The following CNTN5 variants were observed in gnomAD, a reference collection of about 807,000 sequenced individuals.
CNTN5 encodes contactin-5.
A neutral mutation model predicts 129.1 loss-of-function variants in CNTN5; 77 were observed. The ratio of observed to expected loss-of-function variants is 0.60; its 90% confidence interval spans 0.50 to 0.72. The LOEUF (loss-of-function observed/expected upper bound fraction) is 0.72. Among genes scored for constraint, CNTN5 ranks in the 30% least tolerant of loss-of-function variants. The probability of loss-of-function intolerance (pLI) is 0.00; values close to 1 mark genes in which losing one functional copy is unlikely to be tolerated. For missense variants in CNTN5, 1,478 were observed against 1,328.8 expected, an observed-to-expected ratio of 1.11 and a Z score of -1.75; for synonymous variants, 509 against 465.6, an observed-to-expected ratio of 1.09 and a Z score of -1.20.
At chr11:100,053,301 A>T (rs1943053857) in intron 9 of CNTN5, among the ~76,000 whole-genome samples, 1 of 151,768 alleles carries the variant, frequency 6.6e-6, no homozygotes. Context: ...GTAAGAAAAT[A>T]AAAAGGCAAG....
chr11:99,339,424 T>C (rs1426753412), intron 2 of CNTN5, among the ~76,000 whole-genome samples: 1 of 151,986 alleles, frequency 6.6e-6, no homozygotes, highest in African/African-American at 2.4e-5. Context: ...CTCTGAGGCA[T>C]AAAGAATGTA....
chr11:99,689,354 C>T (rs634184), intron 3 of CNTN5, among the ~76,000 whole-genome samples: 147,029 of 151,638 alleles, frequency 0.97, 71,397 homozygotes, highest in East Asian at 1. Flanking sequence ...AGTGAAACCC[C>T]GTCTCTACTA....
At chr11:100,248,824 C>G (rs1278114666) in intron 16 of CNTN5, among the ~76,000 whole-genome samples, 1 of 152,148 alleles carries the variant, frequency 6.6e-6, no homozygotes, top group Non-Finnish European at 1.5e-5. Flanking sequence ...GACTCTACAG[C>G]CTGGCACCAC....
intron 9 of CNTN5, among the ~76,000 whole-genome samples, chr11:100,054,148 G>T (rs1943099256): frequency 6.6e-6 from 1 of 151,656 alleles, no homozygotes. Context: ...TCATGGTAAA[G>T]GCAAGGGTCC....
At chr11:100,332,883 C>A (rs1251814235) in intron 21 of CNTN5, among the ~76,000 whole-genome samples, 1 of 152,058 alleles carries the variant, frequency 6.6e-6, no homozygotes, top group African/African-American at 2.4e-5. Flanking sequence ...AGAACTGGAA[C>A]AAGGCAAGGA....
intron 15 of CNTN5, among the ~76,000 whole-genome samples, chr11:100,202,017 T>G (rs1298237922): frequency 6.6e-6 from 1 of 152,038 alleles, no homozygotes; most frequent in Non-Finnish European, 1.5e-5. Context: ...AATAGATACC[T>G]GGCAATATGC....
At chr11:100,250,512 G>C (rs1949943258) in intron 16 of CNTN5, among the ~76,000 whole-genome samples, 1 of 151,968 alleles carries the variant, frequency 6.6e-6, no homozygotes, top group African/African-American at 2.4e-5. Context: ...TTTAATGGCT[G>C]CCTAATATTT....
chr11:100,046,832 G>C (rs1942706314), intron 9 of CNTN5, among the ~76,000 whole-genome samples: 2 of 152,220 alleles, frequency 1.3e-5, no homozygotes, highest in South Asian at 4.1e-4. Flanking sequence ...TTGGATAACA[G>C]GCATTGCAGG....
intron 1 of CNTN5, among the ~76,000 whole-genome samples, chr11:99,172,438 T>C (rs1861190418): frequency 6.6e-6 from 1 of 152,204 alleles, no homozygotes; most frequent in Admixed American, 6.5e-5. Flanking sequence ...TTGCACCTTT[T>C]GATGAGAAAA....
intron 9 of CNTN5, among the ~76,000 whole-genome samples, chr11:100,040,617 C>A (rs979965144): frequency 2.0e-5 from 3 of 152,212 alleles, no homozygotes; most frequent in Non-Finnish European, 4.4e-5. Flanking sequence ...GTGGGCTCCA[C>A]CCAGTTGGAG....
intron 15 of CNTN5, among the ~76,000 whole-genome samples, chr11:100,198,350 TA>T (rs1948697629): frequency 1.3e-5 from 2 of 151,866 alleles, no homozygotes; most frequent in African/African-American, 2.4e-5. Flanking sequence ...GCAAAATAAA[TA>T]ATTGAACACC....
chr11:99,935,428 T>A (rs146684334), intron 7 of CNTN5, among the ~76,000 whole-genome samples: 260 of 152,164 alleles, frequency 1.7e-3, no homozygotes, highest in Middle Eastern at 3.4e-3. Flanking sequence ...AATTATTTAA[T>A]CCCCAATTTT....
chr11:100,286,613 C>G (rs919040547), intron 18 of CNTN5, among the ~76,000 whole-genome samples: 1 of 147,436 alleles, frequency 6.8e-6, no homozygotes, highest in Admixed American at 6.7e-5. Context: ...TGTACATCAC[C>G]ATCATCAAAG....
chr11:99,132,877 C>A (rs1859015999), intron 1 of CNTN5, among the ~76,000 whole-genome samples: 1 of 152,044 alleles, frequency 6.6e-6, no homozygotes, highest in Non-Finnish European at 1.5e-5. Flanking sequence ...CTACAATTGA[C>A]ATTCTTCACA....
chr11:99,144,606 T>C (rs1224920609), intron 1 of CNTN5, among the ~76,000 whole-genome samples: 1 of 152,204 alleles, frequency 6.6e-6, no homozygotes, highest in Non-Finnish European at 1.5e-5. Context: ...CACATAGGCT[T>C]TCTTAATTCC....
chr11:99,972,570 A>G (rs1475509171), intron 8 of CNTN5, among the ~76,000 whole-genome samples: 1 of 151,410 alleles, frequency 6.6e-6, no homozygotes, highest in Non-Finnish European at 1.5e-5. Context: ...AGGTCTTCCC[A>G]GAACCACACC....
At chr11:99,378,032 GT>G (rs1180719717) in intron 2 of CNTN5, among the ~76,000 whole-genome samples, 1 of 152,082 alleles carries the variant, frequency 6.6e-6, no homozygotes, top group East Asian at 1.9e-4. Context: ...TAATTTTAGG[GT>G]GTATAATCAA....
At chr11:100,055,558 T>C (rs937720011) in intron 9 of CNTN5, among the ~76,000 whole-genome samples, 3 of 147,166 alleles carry the variant, frequency 2.0e-5, no homozygotes, top group African/African-American at 5.0e-5. Context: ...GGATACAAAA[T>C]TATTAGTTTA....
chr11:99,403,194 G>C (rs1045302689), intron 2 of CNTN5, among the ~76,000 whole-genome samples: 25 of 151,926 alleles, frequency 1.6e-4, no homozygotes, highest in African/African-American at 6.0e-4. Context: ...TAGAGATGGG[G>C]TCTCACCATG....
Sources: gnomAD v4.1 joint callset for allele counts (sites outside exome capture counted in the v4.1 genomes callset) on GRCh38, gnomAD v4.1.1 for gene constraint, MANE v1.5 for transcripts, NCBI Gene and HGNC (gene_info 2026-07-23, HGNC 2026-07-21) for gene names.